GRIK3: variants seen among roughly 807,000 people sequenced by gnomAD.
The protein encoded by GRIK3 is glutamate ionotropic receptor kainate type subunit 3.
A neutral mutation model predicts 102.5 loss-of-function variants in GRIK3; 29 were observed. The ratio of observed to expected loss-of-function variants is 0.28; its 90% CI spans 0.21 to 0.39. GRIK3 has a LOEUF of 0.39. Among genes scored for constraint, GRIK3 ranks in the 10% least tolerant of loss-of-function variants. The pLI, the probability that GRIK3 is intolerant of heterozygous loss-of-function variation, is 1.00. For missense variants in GRIK3, 908 were observed against 1,252.4 expected (o/e 0.73, Z 4.15); for synonymous variants, 511 against 504.9 (o/e 1.01, Z -0.16).
intron 11 of GRIK3, among the ~76,000 whole-genome samples, chr1:36,820,196 AAAAC>A (rs1221055474): frequency 6.6e-6 from 1 of 152,222 alleles, no homozygotes; most frequent in Non-Finnish European, 1.5e-5. Flanking sequence ...AATTGCAAAA[AAAAC>A]CTGGAAACCA....
chr1:36,802,201 G>A (rs1246646534), intron 15 of GRIK3, among the ~76,000 whole-genome samples, 156 bp from the exon 16 acceptor site: 1 of 152,172 alleles, frequency 6.6e-6, no homozygotes, highest in Admixed American at 6.5e-5. Flanking sequence ...CCACCTGCAG[G>A]ATGATTAGTT....
chr1:36,916,171 G>A (rs577494076), intron 1 of GRIK3, among the ~76,000 whole-genome samples: 1 of 152,176 alleles, frequency 6.6e-6, no homozygotes, highest in African/African-American at 2.4e-5. Context: ...GCAGCATTTT[G>A]CCCCTGCCCT....
chr1:36,825,976 C>A (rs746162576), intron 10 of GRIK3, 150 bp from the exon 11 acceptor site: 2 of 599,872 alleles, frequency 3.3e-6, no homozygotes, highest in East Asian at 5.8e-5. Flanking sequence ...CATTTACTAA[C>A]CCTCCTTCAG....
chr1:36,947,934 T>C (rs1177223636), intron 1 of GRIK3, among the ~76,000 whole-genome samples: 1 of 152,158 alleles, frequency 6.6e-6, no homozygotes, highest in Non-Finnish European at 1.5e-5. Flanking sequence ...CCTCACTCTC[T>C]ACACTTGCCT....
chr1:36,934,086 C>T lies in GRIK3; in HGVS notation c.116-42990G>A, dbSNP rs187582401. ...CCCTCTACTCTCTCTTCCAATGTCTCTTCTGTCTGAGGGTGAGTGAGTAGG... is the reference window on the plus strand; with the variant it reads ...CCCTCTACTCTCTCTTCCAATGTCTTTTCTGTCTGAGGGTGAGTGAGTAGG... On this transcript the variant is annotated intron_variant, in intron 1 of 15. Coordinates refer to ENST00000373091, the MANE Select transcript of GRIK3 (RefSeq NM_000831.4). Among the ~76,000 whole-genome samples the T allele has an allele frequency of 1.3e-4, 20 of 152,332 alleles. No homozygotes were observed. The East Asian group carries it at 3.7e-3, about 28-fold the overall frequency.
chr1:36,999,824 C>G (rs544619516), intron 1 of GRIK3, among the ~76,000 whole-genome samples: 5 of 152,110 alleles, frequency 3.3e-5, no homozygotes, highest in African/African-American at 1.2e-4. Flanking sequence ...TTACTTTGTC[C>G]CCTTAGAACT....
chr1:36,828,767 G>A (rs1055591673), intron 10 of GRIK3, among the ~76,000 whole-genome samples: 1 of 152,238 alleles, frequency 6.6e-6, no homozygotes, highest in African/African-American at 2.4e-5. Context: ...GAACCTCAAA[G>A]TCAATGGCGG....
At chr1:36,896,185 A>G (rs777296123) in intron 1 of GRIK3, among the ~76,000 whole-genome samples, 3 of 152,220 alleles carry the variant, frequency 2.0e-5, no homozygotes, top group Non-Finnish European at 1.5e-5. Flanking sequence ...TCTACATACA[A>G]GAAGAACACT....
chr1:36,962,883 CAAAAAAA>C (rs57315084), intron 1 of GRIK3, among the ~76,000 whole-genome samples: 1 of 74,142 alleles, frequency 1.3e-5, no homozygotes, highest in Non-Finnish European at 2.8e-5. Flanking sequence ...GACTCCCTCT[CAAAAAAA>C]AAAAAAAAAA....
chr1:36,856,644 C>T (rs947651868), intron 7 of GRIK3, among the ~76,000 whole-genome samples: 5 of 152,144 alleles, frequency 3.3e-5, no homozygotes, highest in African/African-American at 9.7e-5. Context: ...TGGGCCTTAG[C>T]CATGTCCATG....
At chr1:36,814,945 G>A (rs568048950) in intron 13 of GRIK3, among the ~76,000 whole-genome samples, 3 of 152,320 alleles carry the variant, frequency 2.0e-5, no homozygotes, top group African/African-American at 7.2e-5. Context: ...GCAGACACGT[G>A]TCCAAGCACA....
chr1:36,853,698 G>T lies in GRIK3; in HGVS notation c.1129C>A (p.Arg377=). The T allele has an allele frequency of 2.5e-6, 4 of 1,612,862 alleles. No individual in the cohort carries two copies. Among genetic ancestry groups the T allele is most frequent in the Non-Finnish European group, 3.4e-6 (4 of 1,178,816 alleles). ...CCACTAGTTTTGTTGAAAACAATTCGTCCAGTTAATCCTTCCCATTGAGCC... is the reference window on the plus strand; with the variant it reads ...CCACTAGTTTTGTTGAAAACAATTCTTCCAGTTAATCCTTCCCATTGAGCC... ...KEAQWEGLTG[R]IVFNKTSGLR... Residue 377 remains arginine (R), a synonymous_variant, in exon 8 of 16, where the codon CGA becomes AGA. Transcript: ENST00000373091.
Position 36,890,936 on chromosome 1 carries a change from G to A in GRIK3, c.276C>T (p.Phe92=), listed in dbSNP as rs137946405. 2.0e-5 allele frequency: 32 copies of A among 1,610,960 alleles called. No homozygotes were observed. The highest frequency in any genetic ancestry group is 1.5e-4 in the African/African-American group (11 of 74,848). ...CACACTCACCCTTTTTGGTCGCCTC[G>A]AAGCTGTCATGGAAGTGAATCCTCT... is the stretch of plus-strand genomic sequence containing the variant. ...DIQRIHFHDS[F]EATKKACDQL... Residue 92 remains phenylalanine (F), a synonymous_variant, in exon 2 of 16, where the codon TTC becomes TTT. Transcript: ENST00000373091.
At chr1:36,951,430 T>C (rs1356539963) in intron 1 of GRIK3, among the ~76,000 whole-genome samples, 1 of 152,214 alleles carries the variant, frequency 6.6e-6, no homozygotes, top group Non-Finnish European at 1.5e-5. Flanking sequence ...CCTTCTCCTT[T>C]GTCTTCTTCC....
At chr1:36,935,832 A>C (rs1024560445) in intron 1 of GRIK3, among the ~76,000 whole-genome samples, 1 of 152,260 alleles carries the variant, frequency 6.6e-6, no homozygotes, top group African/African-American at 2.4e-5. Context: ...AGGCAGAGGC[A>C]GGCAGGAAAA....
At chr1:36,829,775 G>A (rs528595063) in intron 10 of GRIK3, among the ~76,000 whole-genome samples, 2 of 152,220 alleles carry the variant, frequency 1.3e-5, no homozygotes, top group East Asian at 3.9e-4. Context: ...CAAACTGAAG[G>A]TAAGAACAAT....
Position 36,816,864 on chromosome 1 carries a change from G to A in GRIK3, c.2091+196C>T, listed in dbSNP as rs112757921. The stretch of plus-strand genomic sequence containing the variant: ...CACAGAAACTTCTAGGATTTGTGTC[G>A]AGGCCAACCCAGTTGGCCCACATCA... On this transcript the variant is annotated intron_variant, in intron 13 of 15. Coordinates refer to ENST00000373091, the MANE Select transcript of GRIK3 (RefSeq NM_000831.4). Among the ~76,000 whole-genome samples the A allele has an allele frequency of 2.1e-3, 325 of 152,220 alleles. 4 individuals carry two copies. The East Asian group carries it at 0.027, about 13-fold the overall frequency.
At chr1:37,001,635 CCT>C (rs1642477884) in intron 1 of GRIK3, among the ~76,000 whole-genome samples, 1 of 152,296 alleles carries the variant, frequency 6.6e-6, no homozygotes, top group Non-Finnish European at 1.5e-5. Context: ...GGATCCTCCT[CCT>C]TGCCAAAGTG....
chr1:36,840,856 T>G (rs891122313), intron 10 of GRIK3, among the ~76,000 whole-genome samples: 1 of 152,248 alleles, frequency 6.6e-6, no homozygotes, highest in East Asian at 1.9e-4. Context: ...CTGAGAACTA[T>G]GATGTGTTTG....
Sources: allele counts gnomAD v4.1 joint callset (sites outside exome capture counted in the v4.1 genomes callset), GRCh38; gene constraint gnomAD v4.1.1; transcripts MANE v1.5; gene names NCBI Gene and HGNC (gene_info 2026-07-23, HGNC 2026-07-21).